Variants in SRPK2 observed in about 807,000 individuals in gnomAD.
SRPK2 encodes SRSF protein kinase 2.
In SRPK2, 21 loss-of-function variants were observed where a neutral mutation model predicts 90.8. That is an observed-to-expected ratio of 0.23 (90% confidence interval 0.16 to 0.33). The LOEUF (loss-of-function observed/expected upper bound fraction) is 0.33, where lower values mean the gene tolerates loss of function less well. Ranked by LOEUF, SRPK2 falls within the 10% of genes least tolerant of loss-of-function variation. The pLI is 1.00. For synonymous variants in SRPK2, 288 were observed against 311.1 expected, an observed-to-expected ratio of 0.93 and a Z score of 0.78; for missense variants, 620 against 869.0, an observed-to-expected ratio of 0.71 and a Z score of 3.60.
chr7:105,235,479 T>C (rs1240094619), intron 2 of SRPK2, among the ~76,000 whole-genome samples: 30 of 147,508 alleles, frequency 2.0e-4, no homozygotes, highest in Non-Finnish European at 1.3e-4. Flanking sequence ...TGTGTGTGTG[T>C]GTGCATGTGC....
intron 3 of SRPK2, among the ~76,000 whole-genome samples, chr7:105,178,889 T>C (rs182062762): frequency 1.6e-4 from 25 of 152,288 alleles, no homozygotes; most frequent in Admixed American, 1.0e-3. Context: ...ATTTTCCTCA[T>C]TAGTAATTTA....
At chr7:105,150,719 A>G (rs1446405268) in intron 7 of SRPK2, among the ~76,000 whole-genome samples, 11 of 152,212 alleles carry the variant, frequency 7.2e-5, no homozygotes, top group Non-Finnish European at 1.6e-4. Flanking sequence ...ACAACAAAAG[A>G]GATTCTGAAA....
At chr7:105,252,141 A>C (rs548038751) in intron 2 of SRPK2, among the ~76,000 whole-genome samples, 22 of 152,366 alleles carry the variant, frequency 1.4e-4, no homozygotes, top group African/African-American at 4.1e-4. Context: ...ATGATGACAG[A>C]AAATTAAGCA....
chr7:105,393,194 C>G (rs998674146), upstream of SRPK2, among the ~76,000 whole-genome samples: 2 of 150,316 alleles, frequency 1.3e-5, no homozygotes, highest in Non-Finnish European at 2.9e-5. Context: ...CTAGGTTTCA[C>G]CATGTTGGCC....
intron 2 of SRPK2, among the ~76,000 whole-genome samples, chr7:105,380,805 A>C (rs1820856340): frequency 6.6e-6 from 1 of 152,032 alleles, no homozygotes; most frequent in Non-Finnish European, 1.5e-5. Context: ...TACAGGCGTA[A>C]GCTACCACGC....
chr7:105,228,572 C>G (rs1439224718), intron 2 of SRPK2, among the ~76,000 whole-genome samples: 1 of 152,060 alleles, frequency 6.6e-6, no homozygotes, highest in Non-Finnish European at 1.5e-5. Flanking sequence ...TGCAAGGGGC[C>G]ATCTGAGCTG....
chr7:105,290,501 AAAAC>A (rs961591050), intron 2 of SRPK2, among the ~76,000 whole-genome samples: 3 of 152,038 alleles, frequency 2.0e-5, no homozygotes, highest in African/African-American at 7.3e-5. Flanking sequence ...TTGTCTCAAA[AAAAC>A]AAACAAAAAC....
At chr7:105,329,460 G>C (rs1814010334) in intron 2 of SRPK2, among the ~76,000 whole-genome samples, 1 of 152,076 alleles carries the variant, frequency 6.6e-6, no homozygotes. Context: ...TGGCATGGTG[G>C]TGAACGCATG....
intron 2 of SRPK2, among the ~76,000 whole-genome samples, chr7:105,328,865 C>CAA (rs527900668): frequency 5.6e-4 from 36 of 64,214 alleles, no homozygotes; most frequent in Non-Finnish European, 6.4e-4. Flanking sequence ...ACTCTGTCTC[C>CAA]AAAAAAAAAA....
chr7:105,390,607 G>GTT (rs869259356), upstream of SRPK2, among the ~76,000 whole-genome samples: 307 of 109,024 alleles, frequency 2.8e-3, 17 homozygotes, highest in East Asian at 0.014. Context: ...TTTTGTTTTT[G>GTT]TTTTTTTTTT....
At chr7:105,148,034 A>G (rs1804923981) in intron 7 of SRPK2, among the ~76,000 whole-genome samples, 1 of 152,328 alleles carries the variant, frequency 6.6e-6, no homozygotes, top group Admixed American at 6.5e-5. Context: ...GAGTTACCGT[A>G]CTTAGGTCAT....
intron 3 of SRPK2, among the ~76,000 whole-genome samples, chr7:105,178,544 C>CA (rs1222530219): frequency 1.3e-5 from 2 of 152,198 alleles, no homozygotes; most frequent in Admixed American, 1.3e-4. Context: ...AAAGTAACAA[C>CA]AGGCTGGGCA....
At chr7:105,203,874 A>G in intron 2 of SRPK2, 89 bp from the exon 3 acceptor site, 1 of 1,458,530 alleles carries the variant, frequency 6.9e-7, no homozygotes. Context: ...TGGGGGAAAA[A>G]ATAAAACTTG....
At chr7:105,125,129 CAAAA>C (rs61616576) in intron 15 of SRPK2, among the ~76,000 whole-genome samples, 1 of 88,094 alleles carries the variant, frequency 1.1e-5, no homozygotes. Flanking sequence ...GACTCCATCT[CAAAA>C]AAAAAAAAAA....
Position 105,365,313 on chromosome 7 carries a change from G to A in SRPK2, c.71+23335C>T, listed in dbSNP as rs143911239. Among the ~76,000 whole-genome samples the A allele has an allele frequency of 3.9e-3, 594 of 151,550 alleles. 1 individual carries two copies. Among genetic ancestry groups the A allele is most frequent in the Non-Finnish European group, 6.2e-3 (420 of 67,866 alleles). On this transcript the variant is annotated intron_variant, in intron 2 of 15. Transcript: ENST00000393651. ...CAGCCCGGCCAATATTGTGAAACCC[G>A]ATCTCTACTAAAAATACAAAAAATT...
chr7:105,312,214 G>A (rs575217111), intron 2 of SRPK2, among the ~76,000 whole-genome samples: 1 of 152,146 alleles, frequency 6.6e-6, no homozygotes, highest in South Asian at 2.1e-4. Context: ...GGCCAAGGTG[G>A]GGGGATCACA....
chr7:105,283,469 G>T (rs966243333), intron 2 of SRPK2, among the ~76,000 whole-genome samples: 7 of 152,116 alleles, frequency 4.6e-5, no homozygotes, highest in African/African-American at 1.4e-4. Context: ...ACATGCTACC[G>T]TATGGCTGAA....
intron 2 of SRPK2, among the ~76,000 whole-genome samples, chr7:105,217,203 T>G (rs1361040595): frequency 6.6e-6 from 1 of 152,238 alleles, no homozygotes; most frequent in African/African-American, 2.4e-5. Context: ...TCTAAATCTA[T>G]GTATTTTATA....
intron 2 of SRPK2, among the ~76,000 whole-genome samples, chr7:105,307,598 C>T (rs898722925): frequency 1.3e-5 from 2 of 152,158 alleles, no homozygotes; most frequent in African/African-American, 4.8e-5. Flanking sequence ...CAAAGATATA[C>T]CTCTACAAAA....
Sources: allele counts gnomAD v4.1 joint callset (sites outside exome capture counted in the v4.1 genomes callset), GRCh38; gene constraint gnomAD v4.1.1; transcripts MANE v1.5; gene names NCBI Gene and HGNC (gene_info 2026-07-23, HGNC 2026-07-21).